CD72: variants seen among roughly 807,000 people sequenced by gnomAD.
CD72 encodes CD72 molecule.
A neutral mutation model predicts 50.7 loss-of-function variants in CD72; 28 were observed. That is an observed-to-expected ratio of 0.55 (90% CI 0.41 to 0.76). The LOEUF (loss-of-function observed/expected upper bound fraction) is 0.76. CD72 is among the 30% of genes least tolerant of loss of function. The probability of loss-of-function intolerance (pLI) is 0.00; values close to 1 mark genes in which losing one functional copy is unlikely to be tolerated. For synonymous variants in CD72, 176 were observed against 171.2 expected, an observed-to-expected ratio of 1.03 and a Z score of -0.22; for missense variants, 403 against 420.6, an observed-to-expected ratio of 0.96 and a Z score of 0.37.
chr9:35,615,754 C>G (rs1367443006), intron 5 of CD72, among the ~76,000 whole-genome samples, 189 bp downstream of exon 5: 1 of 146,994 alleles, frequency 6.8e-6, no homozygotes, highest in Admixed American at 6.9e-5. Context: ...GGGTGGGTCC[C>G]CCTAAATCTA....
intron 1 of CD72, among the ~76,000 whole-genome samples, chr9:35,637,133 A>C (rs1823297896): frequency 6.6e-6 from 1 of 152,170 alleles, no homozygotes; most frequent in African/African-American, 2.4e-5. Flanking sequence ...ACGCTTGAGA[A>C]CGTACTTTGT....
intron 1 of CD72, among the ~76,000 whole-genome samples, chr9:35,639,236 T>G (rs984578847): frequency 1.3e-5 from 2 of 152,120 alleles, no homozygotes; most frequent in African/African-American, 4.8e-5. Context: ...GAAGAGACAT[T>G]GGGTTAAGCA....
At chr9:35,621,484 G>A (rs923756098), upstream of CD72, among the ~76,000 whole-genome samples, 10 of 152,270 alleles carry the variant, frequency 6.6e-5, no homozygotes, top group Admixed American at 1.3e-4. Flanking sequence ...ACTGGCCTCC[G>A]GGAAGCCCTA....
Position 35,611,973 on chromosome 9 carries a change from G to A in CD72, c.835-54C>T, listed in dbSNP as rs544198939. On this transcript the variant is annotated intron_variant, in intron 6 of 8. Coordinates refer to ENST00000259633, the MANE Select transcript of CD72 (RefSeq NM_001782.3). ...TACATGGAGAGTGATGAGAAATATG[G>A]AAGAAAATGCACACCCTAGGGAGGC... 2.8e-5 allele frequency: 27 copies of A among 974,612 alleles called. No homozygotes were observed. The East Asian group carries it at 5.7e-4, about 21-fold the overall frequency. The allele number at this position is 974,612 out of a possible 1,614,324, so 60.4% of individuals were successfully genotyped here.
At chr9:35,626,090 T>C (rs1202083722) in intron 1 of CD72, among the ~76,000 whole-genome samples, 1 of 151,426 alleles carries the variant, frequency 6.6e-6, no homozygotes, top group Non-Finnish European at 1.5e-5. Context: ...ATTCCTCTCA[T>C]GGATCTGGGC....
In CD72 at chr9:35,618,030, T is replaced by A. The variant is rs1025093742; in HGVS notation, c.174A>T (p.Val58=). 3.1e-6 allele frequency: 5 copies of A among 1,610,762 alleles called. No individual in the cohort carries two copies. Among genetic ancestry groups the A allele is most frequent in the Non-Finnish European group, 4.2e-6 (5 of 1,177,086 alleles). Reference sequence around the variant, plus strand: ...TCTCCAGACCTGCTTTGTCCCCTAGTACAGAAGAAGCCAAGCTTGAGGGCA... The same window carrying A: ...TCTCCAGACCTGCTTTGTCCCCTAGAACAGAAGAAGCCAAGCTTGAGGGCA... The part of the protein sequence containing the change: ...LGVPSSLASS[V]LGDKAAVKSE... The change falls in exon 2 of 9, where the codon GTA becomes GTT. Residue 58 remains valine (V), a synonymous_variant. Coordinates refer to ENST00000259633, the MANE Select transcript of CD72 (RefSeq NM_001782.3).
intron 2 of CD72, 131 bp downstream of exon 2, chr9:35,617,883 A>G (rs1415859715): frequency 2.8e-6 from 2 of 714,114 alleles, no homozygotes; most frequent in Non-Finnish European, 5.1e-6. Context: ...GTGAGCCATG[A>G]TCACACCACT....
Position 35,610,096 on chromosome 9 carries a change from G to C in CD72, c.*227C>G, listed in dbSNP as rs909442074. The C allele has an allele frequency of 3.9e-6, 1 of 258,098 alleles. No individual in the cohort carries two copies. Among genetic ancestry groups the C allele is most frequent in the Admixed American group, 5.1e-5 (1 of 19,510 alleles). The allele number at this position is 258,098 out of a possible 1,614,324, so 16.0% of individuals were successfully genotyped here. A position where few individuals can be genotyped will look rare whatever the true frequency, so the allele number is the denominator to read the frequency against. On this transcript the variant is annotated 3_prime_UTR_variant, in exon 9 of 9. Transcript: ENST00000259633. ...CTACCATGGGAAGTTCTTGGGGGGA[G>C]GCCAAAGTCCCTTCTAGAGGTGGCT... is the stretch of plus-strand genomic sequence containing the variant.
At chr9:35,640,466 C>T (rs181659851) in intron 1 of CD72, among the ~76,000 whole-genome samples, 2 of 152,220 alleles carry the variant, frequency 1.3e-5, no homozygotes, top group Non-Finnish European at 1.5e-5. Context: ...TATTAGAAGC[C>T]GTGGGTCACG....
intron 4 of CD72, 25 bp downstream of exon 4, chr9:35,616,575 G>A: frequency 1.3e-6 from 2 of 1,576,688 alleles, no homozygotes. Context: ...CGGTGTAAGT[G>A]GGAAGTAGGG....
intron 1 of CD72, among the ~76,000 whole-genome samples, chr9:35,644,574 G>T (rs189434300): frequency 1.3e-4 from 20 of 152,236 alleles, no homozygotes; most frequent in Admixed American, 1.2e-3. Flanking sequence ...TTCTGGAAGT[G>T]TTCAAGAAGA....
chr9:35,619,740 G>T (rs1823126911), upstream of CD72, among the ~76,000 whole-genome samples: 1 of 152,222 alleles, frequency 6.6e-6, no homozygotes, highest in African/African-American at 2.4e-5. Flanking sequence ...GAGCGGCTAT[G>T]TCAGAGCCTG....
chr9:35,646,290 G>A (rs373962028), intron 1 of CD72: 1 of 152,324 alleles, frequency 6.6e-6, no homozygotes, highest in Admixed American at 6.5e-5. Context: ...GGACAGCTGG[G>A]GCCCTAGGAG....
At chr9:35,635,688 G>A (rs984210344) in intron 1 of CD72, among the ~76,000 whole-genome samples, 2 of 152,200 alleles carry the variant, frequency 1.3e-5, no homozygotes, top group Non-Finnish European at 2.9e-5. Flanking sequence ...TTTGCTGGTA[G>A]TTAAGACCCA....
chr9:35,610,527 C>T, intron 8 of CD72, 75 bp downstream of exon 8: 1 of 267,598 alleles, frequency 3.7e-6, no homozygotes. Context: ...GCCCCTGGGC[C>T]CCTGCTCTGA....
chr9:35,616,949 G>A (rs2131766361), intron 3 of CD72: 2 of 1,415,056 alleles, frequency 1.4e-6, no homozygotes, highest in Admixed American at 2.7e-5. Context: ...GACGGAGAGA[G>A]GGGAAGGGGG....
intron 3 of CD72, 110 bp downstream of exon 3, chr9:35,617,066 C>A (rs773798236): frequency 2.1e-5 from 32 of 1,493,366 alleles, no homozygotes; most frequent in Non-Finnish European, 2.8e-5. Flanking sequence ...GGAAGGACTG[C>A]GCCCGGGTTT....
intron 1 of CD72, among the ~76,000 whole-genome samples, chr9:35,628,519 TCTGAGTGATGCTCGCTG>T (rs1242008939): frequency 6.6e-6 from 1 of 152,336 alleles, no homozygotes; most frequent in African/African-American, 2.4e-5. Flanking sequence ...CATAAGTGGA[TCTGAGTGATGCTCGCTG>T]CTCGGCAGAT....
upstream of CD72, among the ~76,000 whole-genome samples, chr9:35,624,214 A>AAATAAT (rs58480562): frequency 7.0e-4 from 96 of 137,842 alleles, 1 homozygote; most frequent in East Asian, 1.5e-3. Context: ...TCTGTCTCAA[A>AAATAAT]AATAATAATA....
Sources: allele counts gnomAD v4.1 joint callset (sites outside exome capture counted in the v4.1 genomes callset), GRCh38; gene constraint gnomAD v4.1.1; transcripts MANE v1.5; gene names NCBI Gene and HGNC (gene_info 2026-07-23, HGNC 2026-07-21).